Variants in LHFPL3 observed in about 807,000 individuals in gnomAD.
The protein encoded by LHFPL3 is LHFPL tetraspan subfamily member 3.
Under a neutral mutation model 19.3 loss-of-function variants are expected in LHFPL3, and 5 were observed. That is an observed-to-expected ratio of 0.26 (90% CI 0.14 to 0.54). LHFPL3 has a LOEUF of 0.54. Among genes scored for constraint, LHFPL3 ranks in the 20% least tolerant of loss-of-function variants. The pLI is 0.94. For synonymous variants in LHFPL3, 133 were observed against 126.2 expected (o/e 1.05, Z -0.36); for missense variants, 249 against 307.4 (o/e 0.81, Z 1.42).
intron 1 of LHFPL3, among the ~76,000 whole-genome samples, chr7:104,572,092 C>T (rs963124728): frequency 3.3e-5 from 5 of 152,268 alleles, no homozygotes; most frequent in East Asian, 3.9e-4. Flanking sequence ...AGATATATCA[C>T]CTGACTTTGA....
intron 1 of LHFPL3, among the ~76,000 whole-genome samples, chr7:104,546,037 T>A (rs1331798680): frequency 6.6e-6 from 1 of 152,100 alleles, no homozygotes; most frequent in African/African-American, 2.4e-5. Context: ...AAATAATAGT[T>A]GCCAAAAAAA....
intron 1 of LHFPL3, among the ~76,000 whole-genome samples, chr7:104,467,200 A>G (rs776950761): frequency 6.6e-6 from 1 of 152,284 alleles, no homozygotes; most frequent in African/African-American, 2.4e-5. Context: ...CATTCAATGT[A>G]AAAAATGGGA....
intron 1 of LHFPL3, among the ~76,000 whole-genome samples, chr7:104,592,278 A>T (rs1215546366): frequency 1.3e-5 from 2 of 152,036 alleles, no homozygotes; most frequent in African/African-American, 2.4e-5. Flanking sequence ...GTCTTTGATG[A>T]TGGTGACGTA....
intron 1 of LHFPL3, among the ~76,000 whole-genome samples, chr7:104,574,465 A>C (rs769382612): frequency 3.9e-5 from 6 of 152,236 alleles, no homozygotes; most frequent in Non-Finnish European, 8.8e-5. Flanking sequence ...TTTTTGAAGT[A>C]AGAATTTTGG....
At chr7:104,387,610 G>A (rs866162228) in intron 1 of LHFPL3, among the ~76,000 whole-genome samples, 16 of 152,300 alleles carry the variant, frequency 1.1e-4, no homozygotes, top group African/African-American at 3.6e-4. Context: ...CTCAGAATGA[G>A]AGGTGTGCAG....
chr7:104,702,309 T>C (rs1584487842), intron 1 of LHFPL3, among the ~76,000 whole-genome samples: 1 of 152,194 alleles, frequency 6.6e-6, no homozygotes, highest in East Asian at 1.9e-4. Flanking sequence ...GTGTGTTTTG[T>C]TTTATAATTC....
chr7:104,633,439 T>C (rs905376026), intron 1 of LHFPL3, among the ~76,000 whole-genome samples: 4 of 152,186 alleles, frequency 2.6e-5, no homozygotes, highest in Non-Finnish European at 5.9e-5. Context: ...TAAACAAGTC[T>C]ACCTGGGGCC....
intron 1 of LHFPL3, among the ~76,000 whole-genome samples, chr7:104,679,475 A>G (rs1792653567): frequency 1.3e-5 from 2 of 152,246 alleles, no homozygotes. Context: ...CAAAGGCTGT[A>G]TCAAGGAATG....
intron 1 of LHFPL3, among the ~76,000 whole-genome samples, chr7:104,402,246 C>T (rs188556286): frequency 3.9e-5 from 6 of 152,312 alleles, no homozygotes; most frequent in Non-Finnish European, 8.8e-5. Context: ...TTTGTTTTCC[C>T]TTATTAATCT....
chr7:104,585,480 A>ACACACAC (rs1790551501), intron 1 of LHFPL3, among the ~76,000 whole-genome samples: 227 of 123,460 alleles, frequency 1.8e-3, no homozygotes, highest in South Asian at 5.1e-3. Context: ...AACACACACA[A>ACACACAC]ACACACACAC....
chr7:104,742,426 T>C (rs4367471), intron 2 of LHFPL3, among the ~76,000 whole-genome samples: 25,045 of 152,242 alleles, frequency 0.16, 2,678 homozygotes, highest in South Asian at 0.4. Context: ...TTTTCAATGC[T>C]ATAGTGGAGG....
At chr7:104,716,363 A>G (rs1304951355) in intron 1 of LHFPL3, among the ~76,000 whole-genome samples, 1 of 152,134 alleles carries the variant, frequency 6.6e-6, no homozygotes, top group Non-Finnish European at 1.5e-5. Context: ...AGCCATCCAA[A>G]TCAGAAAGGA....
At chr7:104,364,366 A>G (rs1408161680) in intron 1 of LHFPL3, among the ~76,000 whole-genome samples, 2 of 152,230 alleles carry the variant, frequency 1.3e-5, no homozygotes, top group Non-Finnish European at 2.9e-5. Context: ...AGACAACTAG[A>G]GTAAATGTAA....
intron 1 of LHFPL3, among the ~76,000 whole-genome samples, chr7:104,390,674 T>C (rs562108530): frequency 3.5e-4 from 53 of 152,354 alleles, no homozygotes; most frequent in Non-Finnish European, 6.8e-4. Context: ...AGCAGCATGA[T>C]TTATAATCCT....
At chr7:104,615,108 A>G (rs1324863699) in intron 1 of LHFPL3, among the ~76,000 whole-genome samples, 3 of 152,144 alleles carry the variant, frequency 2.0e-5, no homozygotes, top group Non-Finnish European at 4.4e-5. Flanking sequence ...GTAAACATAT[A>G]TACTAAAAGT....
chr7:104,645,205 G>C (rs1431079058), intron 1 of LHFPL3, among the ~76,000 whole-genome samples: 1 of 152,136 alleles, frequency 6.6e-6, no homozygotes, highest in Non-Finnish European at 1.5e-5. Context: ...GGCTAATGAG[G>C]CTGGCCATAA....
chr7:104,575,362 A>C (rs1790305743), intron 1 of LHFPL3, among the ~76,000 whole-genome samples: 1 of 152,126 alleles, frequency 6.6e-6, no homozygotes, highest in South Asian at 2.1e-4. Flanking sequence ...TACTTTGAGA[A>C]GAATCAACCT....
intron 1 of LHFPL3, among the ~76,000 whole-genome samples, chr7:104,355,423 A>G (rs1790254601): frequency 6.6e-6 from 1 of 152,192 alleles, no homozygotes; most frequent in Admixed American, 6.5e-5. Context: ...TGGTGCCCAG[A>G]TGAATTTTAG....
At chr7:104,746,337 G>T (rs533305395) in intron 2 of LHFPL3, among the ~76,000 whole-genome samples, 1 of 152,138 alleles carries the variant, frequency 6.6e-6, no homozygotes, top group South Asian at 2.1e-4. Context: ...CCAGGGATTG[G>T]GTCCCACTCC....
Sources: gnomAD v4.1 joint callset for allele counts (sites outside exome capture counted in the v4.1 genomes callset) on GRCh38, gnomAD v4.1.1 for gene constraint, MANE v1.5 for transcripts, NCBI Gene and HGNC (gene_info 2026-07-23, HGNC 2026-07-21) for gene names.